The following CUBN variants were observed in gnomAD, a reference collection of about 807,000 sequenced individuals.
The protein encoded by CUBN is cubilin.
Under a neutral mutation model 405.3 loss-of-function variants are expected in CUBN, and 282 were observed. The ratio of observed to expected loss-of-function variants is 0.70; its 90% CI spans 0.63 to 0.77. The LOEUF is 0.77. Among genes scored for constraint, CUBN ranks in the 30% least tolerant of loss-of-function variants. The pLI is 0.00. For missense variants in CUBN, 4,514 were observed against 4,475.2 expected, an observed-to-expected ratio of 1.01 and a Z score of -0.25; for synonymous variants, 1,684 against 1,617.0, an observed-to-expected ratio of 1.04 and a Z score of -0.99.
At chr10:16,838,417 A>G (rs1839239014) in intron 62 of CUBN, among the ~76,000 whole-genome samples, 2 of 152,220 alleles carry the variant, frequency 1.3e-5, no homozygotes, top group African/African-American at 4.8e-5. Flanking sequence ...CAATCCAGGT[A>G]TTCTCAGATG....
At chr10:16,926,204 G>C (rs1165269646) in intron 41 of CUBN, among the ~76,000 whole-genome samples, 1 of 152,164 alleles carries the variant, frequency 6.6e-6, no homozygotes, top group African/African-American at 2.4e-5. Flanking sequence ...TGAAATGAAG[G>C]ATCAAGCCAG....
chr10:16,899,396 C>T (rs1841290877), intron 53 of CUBN, among the ~76,000 whole-genome samples: 1 of 152,168 alleles, frequency 6.6e-6, no homozygotes, highest in Admixed American at 6.5e-5. Context: ...AGTTGTGTTA[C>T]AATGATATTG....
chr10:16,905,540 T>C (rs1242111856), intron 50 of CUBN, among the ~76,000 whole-genome samples: 2 of 152,148 alleles, frequency 1.3e-5, no homozygotes, highest in Admixed American at 1.3e-4. Context: ...TTCAGGAAAC[T>C]GCCAACACAT....
At chr10:17,059,076 C>T (rs1044928625) in intron 22 of CUBN, among the ~76,000 whole-genome samples, 2 of 151,272 alleles carry the variant, frequency 1.3e-5, no homozygotes, top group Non-Finnish European at 2.9e-5. Context: ...TCAAAGACAA[C>T]TGTTGGCAAA....
chr10:16,965,191 G>A (rs1174098385), intron 31 of CUBN, among the ~76,000 whole-genome samples: 1 of 152,026 alleles, frequency 6.6e-6, no homozygotes, highest in Non-Finnish European at 1.5e-5. Flanking sequence ...ATTACATCTT[G>A]CCTAGGCCAC....
chr10:16,982,452 T>C, intron 31 of CUBN, 32 bp downstream of exon 31: 1 of 1,590,494 alleles, frequency 6.3e-7, no homozygotes, highest in Non-Finnish European at 8.6e-7. Flanking sequence ...GAGGTTTGAC[T>C]GGAGACAATG....
chr10:16,904,730 T>C (rs1490278738), intron 50 of CUBN, among the ~76,000 whole-genome samples: 1 of 151,552 alleles, frequency 6.6e-6, no homozygotes, highest in East Asian at 1.9e-4. Context: ...ATCAATGATA[T>C]ATAGTATTTT....
At chr10:16,844,658 C>T (rs1839458942) in intron 60 of CUBN, among the ~76,000 whole-genome samples, 1 of 152,188 alleles carries the variant, frequency 6.6e-6, no homozygotes, top group Non-Finnish European at 1.5e-5. Context: ...TAAGATTTCT[C>T]CTAAGTGAGT....
In CUBN at chr10:16,982,611, G is replaced by C; in HGVS notation, c.4568C>G (p.Ser1523Cys). ...IFQAPSGEIHSPNYPSPYRSN... is the reference protein window; with the variant it reads ...IFQAPSGEIHCPNYPSPYRSN... ...CCTATAAGGACTGGGGTAATTTGGAGAATGAATCTCTCCACTGGGAGCCTG... is the reference window on the plus strand; with the variant it reads ...CCTATAAGGACTGGGGTAATTTGGACAATGAATCTCTCCACTGGGAGCCTG... The change falls in exon 31 of 67, where the codon TCT becomes TGT. Residue 1523 changes from serine to cysteine, a missense_variant. Ser to Cys is a moderately radical substitution (Grantham distance 112). Coordinates refer to ENST00000377833, the MANE Select transcript of CUBN (RefSeq NM_001081.4). The C allele has an allele frequency of 6.2e-7, 1 of 1,613,604 alleles. No individual in the cohort carries two copies. The highest frequency in any genetic ancestry group is 8.5e-7 in the Non-Finnish European group (1 of 1,179,554).
At position 16,933,153 on chromosome 10, in the gene CUBN, TG is replaced by T; in HGVS notation, c.6057del (p.Asn2020ThrfsTer19). Reference protein sequence around the residue: ...LIQAPDSTVELNILSLDIESH... With the variant: ...LIQAPDSTVEXNILSLDIESH... Reference sequence around the variant, plus strand: ...GATTCAATGTCCAGGGAAAGAATGTTGAGTTCCACGGTAGAGTCGGGAGCCT... The same window carrying T: ...GATTCAATGTCCAGGGAAAGAATGTTAGTTCCACGGTAGAGTCGGGAGCCT... On this transcript the variant is annotated frameshift_variant, in exon 40 of 67. Coordinates refer to ENST00000377833, the MANE Select transcript of CUBN (RefSeq NM_001081.4). LOFTEE classifies it high-confidence loss of function. 1 of 1,613,988 alleles carries T rather than the reference TG, an allele frequency of 6.2e-7. No individual in the cohort carries two copies. The highest frequency in any genetic ancestry group is 8.5e-7 in the Non-Finnish European group (1 of 1,179,958).
intron 31 of CUBN, among the ~76,000 whole-genome samples, chr10:16,965,352 G>T (rs1039045478): frequency 6.6e-6 from 1 of 152,120 alleles, no homozygotes; most frequent in Admixed American, 6.6e-5. Context: ...ACGAAATAAA[G>T]ACCAGTAATC....
At chr10:16,919,095 T>C (rs1841967072) in intron 44 of CUBN, among the ~76,000 whole-genome samples, 1 of 152,236 alleles carries the variant, frequency 6.6e-6, no homozygotes, top group African/African-American at 2.4e-5. Context: ...GCTTTCAAAT[T>C]AGTCCCTAGG....
At chr10:17,124,169 G>T (rs1036525422) in intron 4 of CUBN, among the ~76,000 whole-genome samples, 5 of 152,104 alleles carry the variant, frequency 3.3e-5, no homozygotes, top group Admixed American at 2.6e-4. Flanking sequence ...CCTCCCATGG[G>T]TTAAGGTGAC....
At chr10:17,014,955 C>T (rs1834288386) in intron 28 of CUBN, among the ~76,000 whole-genome samples, 1 of 152,158 alleles carries the variant, frequency 6.6e-6, no homozygotes, top group South Asian at 2.1e-4. Flanking sequence ...AACCAATCTG[C>T]CTCCCTTGGC....
intron 8 of CUBN, among the ~76,000 whole-genome samples, chr10:17,113,517 C>T (rs188854240): frequency 6.6e-5 from 10 of 152,216 alleles, no homozygotes; most frequent in Admixed American, 5.2e-4. Context: ...ACTAACGGAG[C>T]CCATGTTTTC....
chr10:17,105,622 G>T, intron 10 of CUBN, 47 bp from the exon 11 acceptor site: 1 of 1,027,068 alleles, frequency 9.7e-7, no homozygotes, highest in Non-Finnish European at 1.5e-6. Context: ...CTCCTCCTCT[G>T]TTCGGATGCA....
At chr10:16,982,245 A>G (rs1833295685) in intron 31 of CUBN, among the ~76,000 whole-genome samples, 1 of 152,260 alleles carries the variant, frequency 6.6e-6, no homozygotes, top group Non-Finnish European at 1.5e-5. Flanking sequence ...ATGAAAAGCC[A>G]ACAGGCTAAT....
intron 48 of CUBN, among the ~76,000 whole-genome samples, chr10:16,911,221 T>C (rs1841721637): frequency 6.6e-6 from 1 of 152,216 alleles, no homozygotes; most frequent in Non-Finnish European, 1.5e-5. Context: ...ATTATTATTA[T>C]TCCTTAGGAA....
At chr10:17,020,268 A>G (rs940212276) in intron 27 of CUBN, among the ~76,000 whole-genome samples, 4 of 152,232 alleles carry the variant, frequency 2.6e-5, no homozygotes, top group African/African-American at 9.6e-5. Context: ...ATTCAGGCTC[A>G]GAATACGGAA....
Sources: gnomAD v4.1 joint callset for allele counts (sites outside exome capture counted in the v4.1 genomes callset) on GRCh38, gnomAD v4.1.1 for gene constraint, MANE v1.5 for transcripts, NCBI Gene and HGNC (gene_info 2026-07-23, HGNC 2026-07-21) for gene names.